ADCY8: variants seen among roughly 807,000 people sequenced by gnomAD.
ADCY8 encodes adenylate cyclase 8.
Under a neutral mutation model 119.7 loss-of-function variants are expected in ADCY8, and 51 were observed. The ratio of observed to expected loss-of-function variants is 0.43; its 90% CI spans 0.34 to 0.54. ADCY8 has a LOEUF of 0.54. Ranked by LOEUF, ADCY8 falls within the 20% of genes least tolerant of loss-of-function variation. The pLI is 0.03. For missense variants in ADCY8, 1,383 were observed against 1,598.8 expected, an observed-to-expected ratio of 0.87 and a Z score of 2.30; for synonymous variants, 665 against 651.0, an observed-to-expected ratio of 1.02 and a Z score of -0.33.
chr8:130,852,700 G>GTGGCATACAGGACCTCCACATGGCATAC, intron 9 of ADCY8, among the ~76,000 whole-genome samples: 1 of 152,214 alleles, frequency 6.6e-6, no homozygotes, highest in Admixed American at 6.5e-5. Context: ...ACAGGGCCTT[G>GTGGCATACAGGACCTCCACATGGCATAC]AGTGTCTGCT....
At chr8:130,849,403 T>C (rs1023258078) in intron 10 of ADCY8, among the ~76,000 whole-genome samples, 199 bp downstream of exon 10, 8 of 152,166 alleles carry the variant, frequency 5.3e-5, no homozygotes, top group African/African-American at 1.7e-4. Context: ...CACTGGGAAA[T>C]AGACAGTTTT....
At chr8:130,992,380 G>T (rs1563758942) in intron 1 of ADCY8, among the ~76,000 whole-genome samples, 1 of 97,416 alleles carries the variant, frequency 1.0e-5, no homozygotes, top group Non-Finnish European at 2.0e-5. Flanking sequence ...AACTGTATCT[G>T]GCATATATAT....
chr8:130,789,919 G>A (rs1187404974), intron 15 of ADCY8, among the ~76,000 whole-genome samples: 1 of 152,186 alleles, frequency 6.6e-6, no homozygotes, highest in Non-Finnish European at 1.5e-5. Flanking sequence ...GGCTTTCCAG[G>A]TAGTTCTAGT....
intron 4 of ADCY8, among the ~76,000 whole-genome samples, chr8:130,938,577 C>T (rs1053311692): frequency 6.6e-6 from 1 of 152,134 alleles, no homozygotes; most frequent in Non-Finnish European, 1.5e-5. Context: ...ACCAACAGTA[C>T]TGTTGATGCC....
intron 4 of ADCY8, among the ~76,000 whole-genome samples, chr8:130,941,618 C>T (rs1034392599): frequency 6.6e-6 from 1 of 152,170 alleles, no homozygotes. Flanking sequence ...AAAACCAACC[C>T]TCCTATTAGG....
chr8:130,796,995 C>T (rs1161215730), intron 15 of ADCY8, among the ~76,000 whole-genome samples: 1 of 152,170 alleles, frequency 6.6e-6, no homozygotes, highest in Non-Finnish European at 1.5e-5. Context: ...CCTCTTTCTC[C>T]GCTTTCCAAG....
In ADCY8 at chr8:131,039,449, G is replaced by A. The variant is rs771167320; in HGVS notation, c.885C>T (p.Ala295=). The change falls in exon 1 of 18, where the codon GCC becomes GCT. Residue 295 remains alanine (A), a synonymous_variant. Coordinates refer to ENST00000286355, the MANE Select transcript of ADCY8 (RefSeq NM_001115.3). Reference sequence around the variant, plus strand: ...CCTGCAGCAGCGAGGTGCCCAGGCCGGCCAGGATGGCCCAGGTGAGCGGCA... The same window carrying A: ...CCTGCAGCAGCGAGGTGCCCAGGCCAGCCAGGATGGCCCAGGTGAGCGGCA... ...LPLPLTWAIL[A]GLGTSLLQVI... The A allele has an allele frequency of 1.2e-6, 2 of 1,614,180 alleles. No homozygotes were observed. Among genetic ancestry groups the A allele is most frequent in the South Asian group, 1.1e-5 (1 of 91,078 alleles).
At chr8:131,019,819 C>G (rs1563770513) in intron 1 of ADCY8, among the ~76,000 whole-genome samples, 2 of 124,700 alleles carry the variant, frequency 1.6e-5, no homozygotes, top group African/African-American at 6.7e-5. Flanking sequence ...CTCTCTCTCT[C>G]TCTCTCTCTC....
chr8:130,983,821 A>G (rs757377043), intron 2 of ADCY8, among the ~76,000 whole-genome samples: 90 of 152,358 alleles, frequency 5.9e-4, no homozygotes, highest in Non-Finnish European at 9.8e-4. Context: ...AAATGAACCA[A>G]CTGAGAAATA....
chr8:130,824,525 C>T (rs1401447547), intron 12 of ADCY8, among the ~76,000 whole-genome samples: 1 of 152,120 alleles, frequency 6.6e-6, no homozygotes, highest in Non-Finnish European at 1.5e-5. Context: ...AAAATAATGC[C>T]TTATTCATCT....
chr8:130,860,203 G>A (rs1817880682), intron 9 of ADCY8, among the ~76,000 whole-genome samples: 1 of 152,092 alleles, frequency 6.6e-6, no homozygotes, highest in Non-Finnish European at 1.5e-5. Flanking sequence ...TGTATATCTT[G>A]TTTGGTGAGT....
intron 12 of ADCY8, among the ~76,000 whole-genome samples, chr8:130,826,415 T>C (rs969428541): frequency 6.6e-6 from 1 of 152,120 alleles, no homozygotes; most frequent in Non-Finnish European, 1.5e-5. Flanking sequence ...ACTAAAACAA[T>C]TTTAGGTCAG....
chr8:130,953,256 A>G (rs1272145067), intron 2 of ADCY8, among the ~76,000 whole-genome samples: 3 of 152,106 alleles, frequency 2.0e-5, no homozygotes, highest in Non-Finnish European at 4.4e-5. Flanking sequence ...AGAGAGATAA[A>G]ATTTTTCTTG....
intron 5 of ADCY8, among the ~76,000 whole-genome samples, chr8:130,928,580 T>G (rs1396124261): frequency 1.3e-5 from 2 of 152,240 alleles, no homozygotes; most frequent in African/African-American, 2.4e-5. Flanking sequence ...CAGTTATTGA[T>G]CCATGTATGT....
intron 2 of ADCY8, among the ~76,000 whole-genome samples, chr8:130,964,530 G>A (rs1202274445): frequency 6.6e-6 from 1 of 152,194 alleles, no homozygotes; most frequent in Non-Finnish European, 1.5e-5. Flanking sequence ...GGAAGACTTT[G>A]TAATGCTGAG....
At chr8:130,974,249 G>T (rs528270886) in intron 2 of ADCY8, among the ~76,000 whole-genome samples, 57 of 152,280 alleles carry the variant, frequency 3.7e-4, no homozygotes, top group African/African-American at 1.3e-3. Flanking sequence ...CTGTGCCCGG[G>T]ATGCTTTCTC....
chr8:130,884,506 C>T, intron 8 of ADCY8, 58 bp downstream of exon 8: 1 of 1,576,548 alleles, frequency 6.3e-7, no homozygotes, highest in Non-Finnish European at 8.7e-7. Flanking sequence ...TCTCTAGTCC[C>T]ATGAACATCT....
chr8:131,032,334 A>T (rs1330527581), intron 1 of ADCY8, among the ~76,000 whole-genome samples: 2 of 152,224 alleles, frequency 1.3e-5, no homozygotes, highest in African/African-American at 4.8e-5. Flanking sequence ...AAACAGAGTG[A>T]AAGGGATAGA....
chr8:130,810,346 CT>C (rs1816122920), intron 14 of ADCY8, among the ~76,000 whole-genome samples: 10 of 92,654 alleles, frequency 1.1e-4, no homozygotes, highest in Admixed American at 9.2e-4. Flanking sequence ...CTCTCTTTTT[CT>C]ACACACACAC....
Sources: allele counts gnomAD v4.1 joint callset (sites outside exome capture counted in the v4.1 genomes callset), GRCh38; gene constraint gnomAD v4.1.1; transcripts MANE v1.5; gene names NCBI Gene and HGNC (gene_info 2026-07-23, HGNC 2026-07-21).